The following DRC4 variants were observed in gnomAD, a reference collection of about 807,000 sequenced individuals.
DRC4 encodes GAS-11.
At chr16:90,032,592 G>A in the DRC4 span, 3 of 797,368 alleles carry the variant, frequency 3.8e-6, no homozygotes, top group Admixed American at 6.1e-5. Context: ...GTGACCAGGT[G>A]TGTACAGGTA....
At chr16:90,026,809 A>T in the DRC4 span, among the ~76,000 whole-genome samples, 1 of 150,772 alleles carries the variant, frequency 6.6e-6, no homozygotes, top group Non-Finnish European at 1.5e-5. Flanking sequence ...TGGCCTCCCA[A>T]AGTGCTGGGA....
chr16:90,027,794 G>C, the DRC4 span: 1 of 1,397,232 alleles, frequency 7.2e-7, no homozygotes, highest in East Asian at 2.3e-5. Context: ...CCTACGCCGA[G>C]TGTCCATCTT....
the DRC4 span, among the ~76,000 whole-genome samples, chr16:90,031,874 C>T: frequency 6.6e-6 from 1 of 152,092 alleles, no homozygotes; most frequent in Non-Finnish European, 1.5e-5. Context: ...TGCAAGTGAG[C>T]AGGTGGATGC....
At chr16:90,042,401 T>G in the DRC4 span, 1 of 1,330,364 alleles carries the variant, frequency 7.5e-7, no homozygotes, top group Non-Finnish European at 1.1e-6. Flanking sequence ...CCCACTGGAG[T>G]CCCCAGGCCG....
the DRC4 span, among the ~76,000 whole-genome samples, chr16:90,035,427 G>A: frequency 6.6e-6 from 1 of 152,160 alleles, no homozygotes; most frequent in African/African-American, 2.4e-5. Context: ...TTCAGGCTGT[G>A]GGATGGTTTG....
the DRC4 span, chr16:90,031,092 CA>C: frequency 8.4e-7 from 1 of 1,184,758 alleles, no homozygotes; most frequent in Non-Finnish European, 1.1e-6. Context: ...GATTATTGGC[CA>C]AATTGAAGAG....
At chr16:90,033,869 C>A in the DRC4 span, among the ~76,000 whole-genome samples, 1 of 151,148 alleles carries the variant, frequency 6.6e-6, no homozygotes, top group South Asian at 2.1e-4. Context: ...AGGTGGGGTG[C>A]GGTTTTGTAC....
At chr16:90,031,856 G>A in the DRC4 span, among the ~76,000 whole-genome samples, 1 of 152,184 alleles carries the variant, frequency 6.6e-6, no homozygotes, top group Non-Finnish European at 1.5e-5. Flanking sequence ...CTGTGTAAAG[G>A]TGAGGCATGC....
At chr16:90,036,940 G>A in the DRC4 span, 7 of 553,042 alleles carry the variant, frequency 1.3e-5, no homozygotes, top group Admixed American at 3.2e-5. Flanking sequence ...AGGTGTCATC[G>A]TCACTGCATG....
chr16:90,040,149 T>C, the DRC4 span: 3 of 724,884 alleles, frequency 4.1e-6, no homozygotes, highest in East Asian at 5.4e-5. Flanking sequence ...GCAGGCAGTG[T>C]GGACAACACA....
chr16:90,028,853 G>A, the DRC4 span: 17 of 929,920 alleles, frequency 1.8e-5, no homozygotes, highest in African/African-American at 2.6e-4. Context: ...TCAATACGAA[G>A]GAGACTGAAA....
chr16:90,037,205 C>G, the DRC4 span: 1 of 1,578,806 alleles, frequency 6.3e-7, no homozygotes, highest in African/African-American at 1.3e-5. Flanking sequence ...TGCTGAGCCC[C>G]TGCCGGGCCT....
At chr16:90,035,202 A>C in the DRC4 span, among the ~76,000 whole-genome samples, 3 of 151,912 alleles carry the variant, frequency 2.0e-5, no homozygotes, top group Non-Finnish European at 4.4e-5. Flanking sequence ...TGTGCCCGGC[A>C]ATCTTTAAAT....
chr16:90,037,089 A>G, the DRC4 span: 214 of 731,062 alleles, frequency 2.9e-4, no homozygotes, highest in Non-Finnish European at 4.4e-4. Flanking sequence ...CTGTTTATAC[A>G]TAGAAGACGT....
At chr16:90,028,956 T>A in the DRC4 span, 3 of 1,303,752 alleles carry the variant, frequency 2.3e-6, no homozygotes, top group Non-Finnish European at 2.0e-6. Flanking sequence ...CATTGGCAGT[T>A]TAAGCCAGTG....
At chr16:90,037,397 C>A in the DRC4 span, 1 of 1,610,006 alleles carries the variant, frequency 6.2e-7, no homozygotes, top group Non-Finnish European at 8.5e-7. Context: ...GCAGATCCTG[C>A]TTGTGAGTTT....
chr16:90,040,463 C>T, the DRC4 span: 1 of 1,609,806 alleles, frequency 6.2e-7, no homozygotes, highest in Non-Finnish European at 8.5e-7. Flanking sequence ...CTGGCTGCCT[C>T]TAACCTGGAC....
chr16:90,044,219 C>A, the DRC4 span: 4 of 452,672 alleles, frequency 8.8e-6, no homozygotes, highest in African/African-American at 2.0e-5. Flanking sequence ...CTGGAGTTGG[C>A]TCAGATGAAA....
the DRC4 span, chr16:90,029,244 T>C: frequency 4.1e-6 from 5 of 1,212,700 alleles, no homozygotes; most frequent in Non-Finnish European, 5.2e-6. Flanking sequence ...ACATCGCACG[T>C]TGAGCCACAG....
Sources: allele counts gnomAD v4.1 joint callset (sites outside exome capture counted in the v4.1 genomes callset), GRCh38; gene constraint gnomAD v4.1.1; transcripts MANE v1.5; gene names NCBI Gene and HGNC (gene_info 2026-07-23, HGNC 2026-07-21).